The following PALD1 variants were observed in gnomAD, a reference collection of about 807,000 sequenced individuals.
The protein encoded by PALD1 is phosphatase domain containing paladin 1, also known as paladin.
Under a neutral mutation model 96.0 loss-of-function variants are expected in PALD1, and 57 were observed. That is an observed-to-expected ratio of 0.59 (90% CI 0.48 to 0.74). The LOEUF (loss-of-function observed/expected upper bound fraction) is 0.74, where lower values mean the gene tolerates loss of function less well. Ranked by LOEUF, PALD1 falls within the 30% of genes least tolerant of loss-of-function variation. PALD1 has a pLI of 0.00. For synonymous variants in PALD1, 464 were observed against 473.6 expected (o/e 0.98, Z 0.26); for missense variants, 1,063 against 1,143.7 (o/e 0.93, Z 1.02).
chr10:70,532,557 A>G (rs2132372567), intron 5 of PALD1, 64 bp from the exon 6 acceptor site: 2 of 1,545,044 alleles, frequency 1.3e-6, no homozygotes, highest in East Asian at 2.2e-5. Flanking sequence ...GAGCTCAGCC[A>G]GGACACTCAG....
At chr10:70,550,580 T>G (rs1847460630) in intron 18 of PALD1, among the ~76,000 whole-genome samples, 1 of 152,198 alleles carries the variant, frequency 6.6e-6, no homozygotes. Context: ...CACATCAAGT[T>G]TAGAACATTT....
At chr10:70,465,914 T>C in the PALD1 span, among the ~76,000 whole-genome samples, 1 of 152,206 alleles carries the variant, frequency 6.6e-6, no homozygotes, top group Non-Finnish European at 1.5e-5. Context: ...CTGTTAACCT[T>C]GGGCCAGGTA....
intron 18 of PALD1, among the ~76,000 whole-genome samples, chr10:70,564,066 G>A (rs1847791785): frequency 6.6e-6 from 1 of 152,168 alleles, no homozygotes; most frequent in African/African-American, 2.4e-5. Flanking sequence ...TATCTACAAT[G>A]AGCTCTCCTG....
At chr10:70,532,840 G>A in intron 6 of PALD1, 59 bp downstream of exon 6, 2 of 1,585,512 alleles carry the variant, frequency 1.3e-6, no homozygotes, top group Non-Finnish European at 1.7e-6. Context: ...CTCTCCAGCT[G>A]CAGCCTCAGT....
At chr10:70,544,451 G>C (rs1228374346) in intron 17 of PALD1, among the ~76,000 whole-genome samples, 1 of 152,084 alleles carries the variant, frequency 6.6e-6, no homozygotes, top group African/African-American at 2.4e-5. Flanking sequence ...TCAGTCTGGG[G>C]GCCCCAGCAG....
Position 70,567,156 on chromosome 10 carries a change from A to G in PALD1, c.*423A>G, listed in dbSNP as rs1589225039. 1.2e-5 allele frequency: 2 copies of G among 166,052 alleles called. No homozygotes were observed. The highest frequency in any genetic ancestry group is 1.3e-5 in the Non-Finnish European group (1 of 77,756). The allele number at this position is 166,052 out of a possible 1,614,324, so 10.3% of individuals were successfully genotyped here. A position where few individuals can be genotyped will look rare whatever the true frequency, so the allele number is the denominator to read the frequency against. On this transcript the variant is annotated 3_prime_UTR_variant, in exon 20 of 20. Transcript: ENST00000263563. ...CAGACCCGGCCACTGGTAGCTCCCC[A>G]CTTCCTTACTCCTGCTGCTCTGCCA... is the stretch of plus-strand genomic sequence containing the variant.
chr10:70,505,012 C>G (rs1462611452), intron 1 of PALD1, among the ~76,000 whole-genome samples: 1 of 152,208 alleles, frequency 6.6e-6, no homozygotes, highest in Non-Finnish European at 1.5e-5. Context: ...TTTGTAATAT[C>G]AGGCATCTGT....
At chr10:70,494,284 T>G (rs1846150603) in intron 1 of PALD1, among the ~76,000 whole-genome samples, 1 of 152,266 alleles carries the variant, frequency 6.6e-6, no homozygotes, top group Admixed American at 6.5e-5. Context: ...ATTTATATAG[T>G]TTATTTCTGT....
the PALD1 span, among the ~76,000 whole-genome samples, chr10:70,465,070 G>A: frequency 6.6e-6 from 1 of 151,748 alleles, no homozygotes; most frequent in African/African-American, 2.4e-5. Flanking sequence ...CACCTCCTGG[G>A]TTCACATCAT....
upstream of PALD1, among the ~76,000 whole-genome samples, chr10:70,474,462 G>A (rs759924920): frequency 3.3e-5 from 5 of 152,194 alleles, no homozygotes; most frequent in Admixed American, 2.0e-4. Context: ...TCGGGAGCCT[G>A]AGGCAGGAGA....
chr10:70,524,205 G>T (rs1330648358), intron 1 of PALD1, among the ~76,000 whole-genome samples: 1 of 152,172 alleles, frequency 6.6e-6, no homozygotes, highest in Non-Finnish European at 1.5e-5. Context: ...TATTGTCCTG[G>T]TGCTTCTGCA....
intron 18 of PALD1, among the ~76,000 whole-genome samples, chr10:70,559,560 A>G (rs1429886848): frequency 6.6e-6 from 1 of 152,142 alleles, no homozygotes; most frequent in African/African-American, 2.4e-5. Flanking sequence ...CGCTGAGTCA[A>G]GGGTGTCTGG....
In PALD1 at chr10:70,534,036, A is replaced by C. The variant is rs954075792; in HGVS notation, c.985A>C (p.Ile329Leu). 3 of 1,611,270 alleles carry C rather than the reference A, an allele frequency of 1.9e-6. No individual in the cohort carries two copies. Among genetic ancestry groups the C allele is most frequent in the East Asian group, 2.2e-5 (1 of 44,792 alleles). Residue 329 changes from isoleucine (I) to leucine (L), a missense_variant, in exon 8 of 20, where the codon ATC (isoleucine) becomes CTC (leucine). Transcript: ENST00000263563. ...TNLGMVLGTL[I>L]LLHRSGTTSQ... ...CCTGGGCATGGTCCTGGGCACCCTC[A>C]TCCTGCTTCACCGCAGTGGGACCAC...
At chr10:70,565,239 T>C (rs1371029408) in intron 19 of PALD1, among the ~76,000 whole-genome samples, 1 of 152,216 alleles carries the variant, frequency 6.6e-6, no homozygotes, top group Admixed American at 6.5e-5. Flanking sequence ...CAGAGCCCAC[T>C]GTATCCTGAC....
At chr10:70,527,447 C>T (rs940206944) in intron 2 of PALD1, among the ~76,000 whole-genome samples, 4 of 152,184 alleles carry the variant, frequency 2.6e-5, no homozygotes, top group Non-Finnish European at 5.9e-5. Context: ...CCAATGTGGC[C>T]TGTTTTCTTC....
At chr10:70,535,444 C>A (rs1847091277) in intron 10 of PALD1, among the ~76,000 whole-genome samples, 1 of 109,400 alleles carries the variant, frequency 9.1e-6, no homozygotes, top group African/African-American at 3.5e-5. Context: ...CCCCCGCTTC[C>A]TCCTTCCCCC....
intron 1 of PALD1, among the ~76,000 whole-genome samples, chr10:70,508,868 G>GTGTGTGTGTGTGTGTGTGT (rs1554855672): frequency 2.7e-4 from 3 of 11,130 alleles, no homozygotes; most frequent in Admixed American, 1.1e-3. Context: ...CAGGCCTGTG[G>GTGTGTGTGTGTGTGTGTGT]GAGTTGCGGG....
At chr10:70,558,115 G>C (rs1210114437) in intron 18 of PALD1, among the ~76,000 whole-genome samples, 1 of 151,576 alleles carries the variant, frequency 6.6e-6, no homozygotes, top group African/African-American at 2.4e-5. Flanking sequence ...CCTCTTTTTT[G>C]TTGTTGTTTT....
intron 1 of PALD1, among the ~76,000 whole-genome samples, chr10:70,508,715 C>T (rs1846444877): frequency 6.7e-6 from 1 of 149,486 alleles, no homozygotes; most frequent in Non-Finnish European, 1.5e-5. Context: ...ACTTGGGTCT[C>T]AAAGGTACTT....
Sources: allele counts gnomAD v4.1 joint callset (sites outside exome capture counted in the v4.1 genomes callset), GRCh38; gene constraint gnomAD v4.1.1; transcripts MANE v1.5; gene names NCBI Gene and HGNC (gene_info 2026-07-23, HGNC 2026-07-21).